The following TENM2 variants were observed in gnomAD, a reference collection of about 807,000 sequenced individuals.
The protein encoded by TENM2 is teneurin-2.
Under a neutral mutation model 245.2 loss-of-function variants are expected in TENM2, and 52 were observed. That is an observed-to-expected ratio of 0.21 (90% CI 0.17 to 0.27). TENM2 has a LOEUF of 0.27. Ranked by LOEUF, TENM2 falls within the 10% of genes least tolerant of loss-of-function variation. TENM2 has a pLI of 1.00. For synonymous variants in TENM2, 1,363 were observed against 1,438.9 expected, an observed-to-expected ratio of 0.95 and a Z score of 1.19; for missense variants, 3,046 against 3,666.8, an observed-to-expected ratio of 0.83 and a Z score of 4.37.
At chr5:167,331,902 A>G (rs1757482197) in intron 1 of TENM2, among the ~76,000 whole-genome samples, 1 of 152,212 alleles carries the variant, frequency 6.6e-6, no homozygotes, top group South Asian at 2.1e-4. Context: ...GGCACCTGGC[A>G]TTAAATACTG....
chr5:167,455,989 T>C (rs1043013368), intron 2 of TENM2, among the ~76,000 whole-genome samples: 3 of 152,190 alleles, frequency 2.0e-5, no homozygotes, highest in African/African-American at 7.2e-5. Flanking sequence ...TCATGAATTT[T>C]GAATGAATTT....
chr5:167,165,409 C>T, the TENM2 span: 1 of 152,290 alleles, frequency 6.6e-6, no homozygotes, highest in East Asian at 1.9e-4. Flanking sequence ...GATTTTCTTA[C>T]TTGGCTCAGT....
chr5:167,791,024 C>G (rs1300758617), intron 2 of TENM2, among the ~76,000 whole-genome samples: 1 of 152,160 alleles, frequency 6.6e-6, no homozygotes, highest in Admixed American at 6.5e-5. Context: ...CATGGCCATG[C>G]ATGTCTCTGC....
intron 2 of TENM2, among the ~76,000 whole-genome samples, chr5:167,687,542 G>A (rs1043507723): frequency 5.9e-5 from 9 of 152,146 alleles, no homozygotes; most frequent in Non-Finnish European, 1.0e-4. Flanking sequence ...CCAGGCTCAC[G>A]TTGATGGATA....
At chr5:167,563,972 G>A (rs1440723097) in intron 2 of TENM2, among the ~76,000 whole-genome samples, 1 of 152,148 alleles carries the variant, frequency 6.6e-6, no homozygotes, top group Non-Finnish European at 1.5e-5. Flanking sequence ...GTCTCAGAAT[G>A]TATCCCCATG....
At chr5:167,213,544 AGGGCATAAACATTC>A in the TENM2 span, among the ~76,000 whole-genome samples, 1 of 152,196 alleles carries the variant, frequency 6.6e-6, no homozygotes, top group Non-Finnish European at 1.5e-5. Flanking sequence ...ATGAAGGCAG[AGGGCATAAACATTC>A]AGTCTATAGC....
chr5:168,041,992 G>T lies in TENM2; in HGVS notation c.1187-5435G>T, dbSNP rs114521771. On this transcript the variant is annotated intron_variant, in intron 5 of 28. Transcript: ENST00000518659. ...TGTTAGCCCTGATTATTCCACTGTG[G>T]TTCTCTCCTCCCAGCAGTGGCACTT... is the stretch of plus-strand genomic sequence containing the variant. Among the ~76,000 whole-genome samples, 1,021 of 152,278 alleles carry T rather than the reference G, an allele frequency of 6.7e-3. 16 individuals are homozygous for T. Among genetic ancestry groups the T allele is most frequent in the Middle Eastern group, 0.034 (10 of 294 alleles).
the TENM2 span, among the ~76,000 whole-genome samples, chr5:166,979,465 C>G: frequency 5.3e-5 from 8 of 152,114 alleles, no homozygotes; most frequent in Non-Finnish European, 1.0e-4. Flanking sequence ...ACCGAAGACT[C>G]TAGGCTAAGT....
chr5:167,646,524 A>G (rs1435578323), intron 2 of TENM2, among the ~76,000 whole-genome samples: 1 of 151,916 alleles, frequency 6.6e-6, no homozygotes, highest in Admixed American at 6.6e-5. Context: ...TCGGAATATG[A>G]GACAATTGGT....
intron 1 of TENM2, among the ~76,000 whole-genome samples, chr5:167,338,244 TTTTG>T (rs1308716227): frequency 6.6e-6 from 1 of 152,198 alleles, no homozygotes; most frequent in Non-Finnish European, 1.5e-5. Flanking sequence ...ACTAAAGGGT[TTTTG>T]TTTGTTTGCT....
At chr5:168,090,900 GC>G in intron 8 of TENM2, 131 bp downstream of exon 10, 3 of 747,986 alleles carry the variant, frequency 4.0e-6, no homozygotes, top group Non-Finnish European at 6.7e-6. Flanking sequence ...CTTTGTTTAG[GC>G]CTTATAGTGT....
At chr5:168,003,029 G>A (rs1319987663) in intron 5 of TENM2, among the ~76,000 whole-genome samples, 1 of 152,218 alleles carries the variant, frequency 6.6e-6, no homozygotes, top group Non-Finnish European at 1.5e-5. Flanking sequence ...CTGTCCTGGT[G>A]TTAATCAGGC....
chr5:167,167,212 C>G, the TENM2 span, among the ~76,000 whole-genome samples: 2 of 152,104 alleles, frequency 1.3e-5, no homozygotes, highest in African/African-American at 2.4e-5. Flanking sequence ...TCTGACAAAC[C>G]AGGGTGTCTT....
intron 2 of TENM2, among the ~76,000 whole-genome samples, chr5:167,705,970 T>C: frequency 1.1e-5 from 1 of 92,010 alleles, no homozygotes; most frequent in South Asian, 3.2e-4. Context: ...CTGGGTTATA[T>C]ATATATATAT....
chr5:167,468,885 C>T (rs944469827), intron 2 of TENM2, among the ~76,000 whole-genome samples: 1 of 152,134 alleles, frequency 6.6e-6, no homozygotes, highest in Non-Finnish European at 1.5e-5. Flanking sequence ...AAAAATGTGA[C>T]ACTTCTGTGA....
intron 12 of TENM2, among the ~76,000 whole-genome samples, chr5:168,142,928 A>G (rs1352797874): frequency 3.9e-5 from 6 of 152,160 alleles, no homozygotes. Context: ...CCCACCTTTC[A>G]CTGCCCAAGT....
At chr5:167,209,857 T>G in the TENM2 span, among the ~76,000 whole-genome samples, 1 of 152,186 alleles carries the variant, frequency 6.6e-6, no homozygotes, top group Non-Finnish European at 1.5e-5. Context: ...GAATATATGC[T>G]TCTCTTCCCT....
At chr5:168,066,123 G>C (rs989443302) in intron 7 of TENM2, among the ~76,000 whole-genome samples, 1 of 152,182 alleles carries the variant, frequency 6.6e-6, no homozygotes, top group Non-Finnish European at 1.5e-5. Flanking sequence ...TGCTTCGCAT[G>C]TCCCTCTTAG....
intron 4 of TENM2, among the ~76,000 whole-genome samples, chr5:167,970,094 C>T (rs1413894463): frequency 6.6e-6 from 1 of 152,248 alleles, no homozygotes; most frequent in Admixed American, 6.5e-5. Context: ...CAGGCAGACA[C>T]AGTCCCGGCC....
Sources: gnomAD v4.1 joint callset for allele counts (sites outside exome capture counted in the v4.1 genomes callset) on GRCh38, gnomAD v4.1.1 for gene constraint, MANE v1.5 for transcripts, NCBI Gene and HGNC (gene_info 2026-07-23, HGNC 2026-07-21) for gene names.